CCDC73: variants seen among roughly 807,000 people sequenced by gnomAD.
CCDC73 encodes the protein coiled-coil domain containing 73.
CCDC73 carries 95 observed loss-of-function variants against 116.5 expected under a neutral mutation model. The observed-to-expected ratio is 0.82, with a 90% CI of 0.69 to 0.97. The LOEUF (loss-of-function observed/expected upper bound fraction) is 0.97, where lower values mean the gene tolerates loss of function less well. CCDC73 is among the 50% of genes least tolerant of loss of function. The pLI, the probability that CCDC73 is intolerant of heterozygous loss-of-function variation, is 0.00. For synonymous variants in CCDC73, 398 were observed against 401.3 expected, an observed-to-expected ratio of 0.99 and a Z score of 0.10; for missense variants, 1,066 against 1,206.8, an observed-to-expected ratio of 0.88 and a Z score of 1.73.
intron 6 of CCDC73, among the ~76,000 whole-genome samples, chr11:32,691,716 G>A (rs1238834220): frequency 6.6e-6 from 1 of 151,972 alleles, no homozygotes; most frequent in African/African-American, 2.4e-5. Context: ...ATGAAGTCCA[G>A]CTTATTAACT....
intron 2 of CCDC73, among the ~76,000 whole-genome samples, chr11:32,756,864 T>C (rs1255953023): frequency 3.9e-5 from 6 of 152,112 alleles, no homozygotes. Context: ...TGAGAAGTAT[T>C]AAAAATTTGC....
At chr11:32,686,864 T>C (rs1389910083) in intron 6 of CCDC73, among the ~76,000 whole-genome samples, 1 of 152,176 alleles carries the variant, frequency 6.6e-6, no homozygotes, top group African/African-American at 2.4e-5. Context: ...ATATTTTAAT[T>C]ATTTAAAAAT....
At chr11:32,733,188 G>T (rs1255611360) in intron 2 of CCDC73, among the ~76,000 whole-genome samples, 1 of 152,146 alleles carries the variant, frequency 6.6e-6, no homozygotes, top group Admixed American at 6.5e-5. Context: ...TTATATAATG[G>T]CAAAGGGATC....
chr11:32,774,012 A>C (rs945445064), intron 1 of CCDC73, among the ~76,000 whole-genome samples: 1 of 152,090 alleles, frequency 6.6e-6, no homozygotes, highest in Admixed American at 6.6e-5. Flanking sequence ...ATGCCTTCTG[A>C]TAGAAGATGA....
intron 2 of CCDC73, among the ~76,000 whole-genome samples, chr11:32,732,456 C>T (rs974254976): frequency 6.6e-6 from 1 of 152,076 alleles, no homozygotes; most frequent in Non-Finnish European, 1.5e-5. Flanking sequence ...AACTCCAAGA[C>T]ACATAATTGT....
chr11:32,760,072 TTC>T, intron 2 of CCDC73, 35 bp downstream of exon 2: 1 of 1,541,806 alleles, frequency 6.5e-7, no homozygotes, highest in Non-Finnish European at 8.8e-7. Flanking sequence ...AAATCAAGTT[TTC>T]TTATTTAACA....
intron 1 of CCDC73, among the ~76,000 whole-genome samples, chr11:32,760,715 A>G (rs1251686510): frequency 6.6e-6 from 1 of 152,228 alleles, no homozygotes; most frequent in Admixed American, 6.5e-5. Context: ...AAACCAAGAT[A>G]GTTAAATATT....
chr11:32,718,629 A>G (rs1849965303), intron 2 of CCDC73, among the ~76,000 whole-genome samples: 1 of 152,118 alleles, frequency 6.6e-6, no homozygotes, highest in South Asian at 2.1e-4. Context: ...GTCCCAAACC[A>G]TCTTCCCTAT....
At chr11:32,719,302 AAC>A (rs372506867) in intron 2 of CCDC73, among the ~76,000 whole-genome samples, 13 of 152,000 alleles carry the variant, frequency 8.6e-5, no homozygotes, top group South Asian at 2.1e-4. Flanking sequence ...GGTGTGCCTC[AAC>A]ACACACACAC....
chr11:32,773,887 C>A (rs1850510941), intron 1 of CCDC73, among the ~76,000 whole-genome samples: 1 of 152,062 alleles, frequency 6.6e-6, no homozygotes, highest in Admixed American at 6.6e-5. Flanking sequence ...GGTTCACCTC[C>A]CTAATGTCAA....
Position 32,642,069 on chromosome 11 carries a change from T to C in CCDC73, c.953A>G (p.Asp318Gly). The C allele has an allele frequency of 6.4e-7, 1 of 1,560,296 alleles. No individual in the cohort carries two copies. The highest frequency in any genetic ancestry group is 1.3e-5 in the South Asian group (1 of 79,952). Residue 318 changes from aspartate (D) to glycine (G), a missense_variant, in exon 13 of 18, where the codon GAT (aspartate) becomes GGT (glycine). By Grantham distance (94) the Asp-to-Gly change is moderately conservative. Coordinates refer to ENST00000335185, the MANE Select transcript of CCDC73 (RefSeq NM_001008391.4). ...TACCTTCTCCCTTTGCAGCTCATTATCTCTTTCAAGGGTCTGCAATAAAAT... is the reference window on the plus strand; with the variant it reads ...TACCTTCTCCCTTTGCAGCTCATTACCTCTTTCAAGGGTCTGCAATAAAAT... ...LKENNQTLER[D>G]NELQREKVKE... is the part of the protein sequence containing the mutation.
chr11:32,784,901 C>T (rs1304840293), intron 1 of CCDC73, among the ~76,000 whole-genome samples: 3 of 152,122 alleles, frequency 2.0e-5, no homozygotes, highest in Non-Finnish European at 4.4e-5. Context: ...AGGCTGGGCA[C>T]GGTGGCTCAT....
intron 12 of CCDC73, among the ~76,000 whole-genome samples, chr11:32,650,943 CCTCT>C (rs1855820715): frequency 6.6e-6 from 1 of 152,070 alleles, no homozygotes; most frequent in African/African-American, 2.4e-5. Flanking sequence ...GCAGACCCTC[CCTCT>C]CTTTCAATTT....
intron 17 of CCDC73, chr11:32,605,035 G>A (rs1035010646): frequency 2.0e-5 from 3 of 152,008 alleles, no homozygotes; most frequent in African/African-American, 7.3e-5. Context: ...TGTATTTTTA[G>A]TAGAGACAGG....
At chr11:32,750,440 T>C (rs1435336508) in intron 2 of CCDC73, among the ~76,000 whole-genome samples, 2 of 152,150 alleles carry the variant, frequency 1.3e-5, no homozygotes, top group African/African-American at 4.8e-5. Context: ...GAAGTGACTG[T>C]CCCTGAGCTC....
chr11:32,798,236 A>G (rs1199510334), upstream of CCDC73, among the ~76,000 whole-genome samples: 1 of 152,278 alleles, frequency 6.6e-6, no homozygotes, highest in Non-Finnish European at 1.5e-5. Context: ...TATGACAGAT[A>G]AGGTGCACAA....
At chr11:32,791,208 T>C (rs1565102561) in intron 1 of CCDC73, among the ~76,000 whole-genome samples, 1 of 152,216 alleles carries the variant, frequency 6.6e-6, no homozygotes, top group Non-Finnish European at 1.5e-5. Flanking sequence ...ATGTCAATAT[T>C]AGCAAATAAA....
chr11:32,740,314 T>C (rs777503763), intron 2 of CCDC73, among the ~76,000 whole-genome samples: 14 of 152,164 alleles, frequency 9.2e-5, no homozygotes, highest in Middle Eastern at 3.4e-3. Context: ...AGTGAAGCCA[T>C]TGGGTCCCAG....
At chr11:32,758,655 A>G (rs1850364385) in intron 2 of CCDC73, 1 of 291,738 alleles carries the variant, frequency 3.4e-6, no homozygotes, top group Admixed American at 4.0e-5. Context: ...AGAAAAAAAA[A>G]ACGCTATTCC....
Sources: gnomAD v4.1 joint callset for allele counts (sites outside exome capture counted in the v4.1 genomes callset) on GRCh38, gnomAD v4.1.1 for gene constraint, MANE v1.5 for transcripts, NCBI Gene and HGNC (gene_info 2026-07-23, HGNC 2026-07-21) for gene names.